The following UXS1 variants were observed in gnomAD, a reference collection of about 807,000 sequenced individuals.
UXS1 encodes the protein UDP-glucuronic acid decarboxylase 1.
A neutral mutation model predicts 62.6 loss-of-function variants in UXS1; 33 were observed. The ratio of observed to expected loss-of-function variants is 0.53; its 90% CI spans 0.40 to 0.70. The LOEUF (loss-of-function observed/expected upper bound fraction) is 0.70, where lower values mean the gene tolerates loss of function less well. UXS1 is among the 30% of genes least tolerant of loss of function. UXS1 has a pLI of 0.00. For synonymous variants in UXS1, 213 were observed against 206.8 expected, an observed-to-expected ratio of 1.03 and a Z score of -0.26; for missense variants, 434 against 556.3, an observed-to-expected ratio of 0.78 and a Z score of 2.21.
At chr2:106,147,636 C>T (rs1006002225) in intron 5 of UXS1, among the ~76,000 whole-genome samples, 4 of 152,148 alleles carry the variant, frequency 2.6e-5, no homozygotes, top group African/African-American at 9.7e-5. Context: ...CCTGTGAGCC[C>T]CCACTTCAAA....
chr2:106,112,551 C>T (rs1483240547), intron 10 of UXS1, 95 bp downstream of exon 10: 1 of 1,518,262 alleles, frequency 6.6e-7, no homozygotes, highest in Non-Finnish European at 8.8e-7. Flanking sequence ...TCAGAAGTGT[C>T]ACTCCCTGAA....
intron 7 of UXS1, among the ~76,000 whole-genome samples, chr2:106,127,472 C>T (rs1680056323): frequency 6.6e-6 from 1 of 152,156 alleles, no homozygotes; most frequent in Non-Finnish European, 1.5e-5. Context: ...GAAACTAAGA[C>T]TATTTCTGTA....
intron 1 of UXS1, among the ~76,000 whole-genome samples, chr2:106,189,566 A>G (rs1684789754): frequency 6.7e-6 from 1 of 148,458 alleles, no homozygotes; most frequent in Non-Finnish European, 1.5e-5. Context: ...GGCCACTGGC[A>G]CAACAACCAT....
chr2:106,149,729 C>T (rs1251424430), intron 5 of UXS1, among the ~76,000 whole-genome samples: 3 of 152,172 alleles, frequency 2.0e-5, no homozygotes, highest in African/African-American at 7.2e-5. Flanking sequence ...GATGCTTATA[C>T]AAACACCTGA....
chr2:106,192,028 G>A (rs1296815332), intron 1 of UXS1, among the ~76,000 whole-genome samples: 1 of 152,118 alleles, frequency 6.6e-6, no homozygotes, highest in East Asian at 1.9e-4. Flanking sequence ...CAGACCAACT[G>A]AATCAGAAAC....
At chr2:106,164,910 T>C in intron 2 of UXS1, 111 bp from the exon 3 acceptor site, 1 of 738,260 alleles carries the variant, frequency 1.4e-6, no homozygotes, top group Non-Finnish European at 2.2e-6. Flanking sequence ...TGCTCAAGTA[T>C]CAGTCATGTG....
chr2:106,120,077 T>G (rs555553642), intron 9 of UXS1, among the ~76,000 whole-genome samples: 2 of 152,108 alleles, frequency 1.3e-5, no homozygotes, highest in South Asian at 4.1e-4. Flanking sequence ...CAGCACCCAT[T>G]CAGAAAAAAG....
chr2:106,192,808 A>G (rs889117893), intron 1 of UXS1, among the ~76,000 whole-genome samples: 1 of 152,174 alleles, frequency 6.6e-6, no homozygotes, highest in African/African-American at 2.4e-5. Flanking sequence ...AGGAATCATT[A>G]TAGTACCGAT....
intron 5 of UXS1, among the ~76,000 whole-genome samples, chr2:106,149,531 C>G (rs1681849790): frequency 6.6e-6 from 1 of 152,210 alleles, no homozygotes; most frequent in Non-Finnish European, 1.5e-5. Context: ...CTTGCTCTCT[C>G]TTTACCCATC....
At chr2:106,168,196 C>T (rs1004582576) in intron 1 of UXS1, among the ~76,000 whole-genome samples, 1 of 152,132 alleles carries the variant, frequency 6.6e-6, no homozygotes, top group Non-Finnish European at 1.5e-5. Flanking sequence ...AAAGACCTTG[C>T]TGATAAAATA....
chr2:106,128,397 C>A (rs1356891688), intron 7 of UXS1, among the ~76,000 whole-genome samples: 1 of 152,180 alleles, frequency 6.6e-6, no homozygotes, highest in Non-Finnish European at 1.5e-5. Context: ...GCCCAGGTAT[C>A]TGGTTGAACA....
intron 14 of UXS1, among the ~76,000 whole-genome samples, chr2:106,095,162 A>G (rs1676976559): frequency 6.6e-6 from 1 of 152,256 alleles, no homozygotes. Context: ...CACACCTCAC[A>G]TAAAAAGCAA....
chr2:106,180,095 C>T (rs988447031), intron 1 of UXS1, among the ~76,000 whole-genome samples: 8 of 152,194 alleles, frequency 5.3e-5, no homozygotes, highest in South Asian at 2.1e-4. Flanking sequence ...GGCGACAGAG[C>T]GAGACTCCGT....
chr2:106,098,786 C>G lies in UXS1; in HGVS notation c.985-13G>C. 3.1e-6 allele frequency: 5 copies of G among 1,608,720 alleles called. No homozygotes were observed. The highest frequency in any genetic ancestry group is 2.2e-5 in the South Asian group (2 of 90,252). On this transcript the variant is annotated splice_polypyrimidine_tract_variant and intron_variant, in intron 12 of 14. Coordinates refer to ENST00000283148, the MANE Select transcript of UXS1 (RefSeq NM_001253875.2). ...CTTCTGGGTTCCCCTAAGAAAGAAA[C>G]GGTTTCCAGTTATAAGCGTCATGAC...
chr2:106,121,386 T>C (rs1679505869), intron 9 of UXS1, among the ~76,000 whole-genome samples: 1 of 152,228 alleles, frequency 6.6e-6, no homozygotes, highest in Admixed American at 6.5e-5. Context: ...GTCCCATTTG[T>C]CCACCAGCTT....
At chr2:106,192,078 AC>A (rs935955595) in intron 1 of UXS1, among the ~76,000 whole-genome samples, 3 of 152,236 alleles carry the variant, frequency 2.0e-5, no homozygotes, top group African/African-American at 7.2e-5. Context: ...TTTAAAAAAA[AC>A]CCTACTGATT....
chr2:106,097,142 C>T (rs562386794), intron 13 of UXS1: 26 of 496,908 alleles, frequency 5.2e-5, no homozygotes, highest in South Asian at 4.0e-4. Context: ...ACCACCCACA[C>T]CAGGTAACAA....
chr2:106,184,048 C>T (rs1270442581), intron 1 of UXS1, among the ~76,000 whole-genome samples: 3 of 151,960 alleles, frequency 2.0e-5, no homozygotes, highest in Non-Finnish European at 4.4e-5. Context: ...AAAAATTAGC[C>T]GGGCGTGGTG....
intron 8 of UXS1, 25 bp from the exon 9 acceptor site, chr2:106,123,116 G>C: frequency 6.2e-7 from 1 of 1,612,708 alleles, no homozygotes; most frequent in Non-Finnish European, 8.5e-7. Flanking sequence ...AAGTGAGACT[G>C]TTTTCATCTT....
Sources: gnomAD v4.1 joint callset for allele counts (sites outside exome capture counted in the v4.1 genomes callset) on GRCh38, gnomAD v4.1.1 for gene constraint, MANE v1.5 for transcripts, NCBI Gene and HGNC (gene_info 2026-07-23, HGNC 2026-07-21) for gene names.